ZNF704: variants seen among roughly 807,000 people sequenced by gnomAD.
ZNF704 encodes glucocorticoid induced gene 1.
ZNF704 carries 10 observed loss-of-function variants against 44.7 expected under a neutral mutation model. The ratio of observed to expected loss-of-function variants is 0.22; its 90% CI spans 0.14 to 0.38. ZNF704 has a LOEUF of 0.38. Ranked by LOEUF, ZNF704 falls within the 10% of genes least tolerant of loss-of-function variation. The pLI is 1.00. For missense variants in ZNF704, 390 were observed against 545.5 expected (o/e 0.71, Z 2.84); for synonymous variants, 211 against 207.6 (o/e 1.02, Z -0.14).
chr8:80,712,058 A>G (rs1818995730), intron 2 of ZNF704, among the ~76,000 whole-genome samples: 1 of 152,234 alleles, frequency 6.6e-6, no homozygotes, highest in Non-Finnish European at 1.5e-5. Flanking sequence ...CCCCAATGCA[A>G]CAATGTTCGG....
At chr8:80,812,751 T>C (rs1012064292) in intron 2 of ZNF704, among the ~76,000 whole-genome samples, 1 of 152,228 alleles carries the variant, frequency 6.6e-6, no homozygotes, top group African/African-American at 2.4e-5. Context: ...GTAGCTATTA[T>C]ACCATAAATT....
chr8:80,865,739 G>T (rs891719808), intron 1 of ZNF704, among the ~76,000 whole-genome samples: 1 of 152,120 alleles, frequency 6.6e-6, no homozygotes, highest in Non-Finnish European at 1.5e-5. Context: ...GGTATGGCAC[G>T]GAGACCTCCA....
At chr8:80,765,699 G>T (rs1259973646) in intron 2 of ZNF704, among the ~76,000 whole-genome samples, 1 of 152,114 alleles carries the variant, frequency 6.6e-6, no homozygotes, top group Non-Finnish European at 1.5e-5. Context: ...TTACAGTTTA[G>T]GGATTTTGAC....
chr8:80,660,011 C>T (rs1818074247), intron 6 of ZNF704, among the ~76,000 whole-genome samples: 1 of 152,146 alleles, frequency 6.6e-6, no homozygotes, highest in Non-Finnish European at 1.5e-5. Flanking sequence ...TTGGGGAATA[C>T]ACCCTGCTAT....
chr8:80,823,349 G>T (rs970849536), intron 1 of ZNF704, among the ~76,000 whole-genome samples: 4 of 152,202 alleles, frequency 2.6e-5, no homozygotes, highest in Admixed American at 2.6e-4. Context: ...AGATCAAACT[G>T]CAAGGCGGCA....
At chr8:80,650,366 C>A (rs527241653) in intron 7 of ZNF704, among the ~76,000 whole-genome samples, 1 of 152,210 alleles carries the variant, frequency 6.6e-6, no homozygotes, top group East Asian at 1.9e-4. Context: ...TCAAACTACT[C>A]CGAGCTAAAG....
rs1261260813 is a variant in ZNF704, at chr8:80,635,409, T to C, written c.*5957A>G. 6.6e-6 allele frequency: 1 copy of C among 152,238 alleles called. No individual in the cohort carries two copies. Among genetic ancestry groups the C allele is most frequent in the Non-Finnish European group, 1.5e-5 (1 of 68,036 alleles). 9.4% of individuals were successfully genotyped at this position (152,238 alleles called of 1,614,324 possible). A position where few individuals can be genotyped will look rare whatever the true frequency, so the allele number is the denominator to read the frequency against. ...TGTTTTGTTTTTTTATTTTCCTTTTTTATTTTTTCCCTCCACTATATTTTG... is the reference window on the plus strand; with the variant it reads ...TGTTTTGTTTTTTTATTTTCCTTTTCTATTTTTTCCCTCCACTATATTTTG... On this transcript the variant is annotated 3_prime_UTR_variant, in exon 9 of 9. Transcript: ENST00000327835.
chr8:80,770,032 A>C (rs999673132), intron 2 of ZNF704, among the ~76,000 whole-genome samples: 1 of 152,176 alleles, frequency 6.6e-6, no homozygotes, highest in African/African-American at 2.4e-5. Context: ...TTGTGCAGGG[A>C]AACTCCCCCT....
upstream of ZNF704, among the ~76,000 whole-genome samples, chr8:80,875,832 A>G (rs1303153180): frequency 5.3e-5 from 8 of 152,218 alleles, no homozygotes; most frequent in Non-Finnish European, 1.0e-4. Flanking sequence ...CAACTGTTGA[A>G]CAGGGATGAT....
intron 2 of ZNF704, among the ~76,000 whole-genome samples, chr8:80,813,478 AAAG>A (rs1219032664): frequency 1.1e-4 from 16 of 152,204 alleles, no homozygotes; most frequent in African/African-American, 2.9e-4. Flanking sequence ...ACATCAACCA[AAAG>A]AAGAAGAGTA....
intron 2 of ZNF704, chr8:80,812,335 T>C (rs1433689157): frequency 2.1e-5 from 4 of 190,170 alleles, no homozygotes; most frequent in South Asian, 1.3e-4. Flanking sequence ...TCTGCAGCAG[T>C]GTCATACCAC....
intron 4 of ZNF704, among the ~76,000 whole-genome samples, chr8:80,676,210 CA>C (rs1818363458): frequency 6.6e-6 from 1 of 152,090 alleles, no homozygotes; most frequent in East Asian, 1.9e-4. Context: ...TTTAGGAAAA[CA>C]GAGAGAGTAA....
chr8:80,708,270 A>G (rs534668096), intron 2 of ZNF704, among the ~76,000 whole-genome samples: 1 of 152,340 alleles, frequency 6.6e-6, no homozygotes, highest in East Asian at 1.9e-4. Flanking sequence ...AAGGAACATG[A>G]CTTCCCCAAA....
intron 2 of ZNF704, among the ~76,000 whole-genome samples, chr8:80,693,711 G>A (rs922338396): frequency 2.0e-5 from 3 of 152,268 alleles, no homozygotes; most frequent in Non-Finnish European, 2.9e-5. Flanking sequence ...AGGAATGTGC[G>A]GGAATGTTTA....
chr8:80,778,933 T>A (rs182436862), intron 2 of ZNF704, among the ~76,000 whole-genome samples: 1 of 151,998 alleles, frequency 6.6e-6, no homozygotes, highest in East Asian at 1.9e-4. Context: ...GGTGACAAAA[T>A]AATCTGTACA....
At chr8:80,825,475 T>A (rs539889545) in intron 1 of ZNF704, among the ~76,000 whole-genome samples, 1 of 152,132 alleles carries the variant, frequency 6.6e-6, no homozygotes, top group Non-Finnish European at 1.5e-5. Flanking sequence ...ACAATAATAA[T>A]GGGAGACTTT....
rs547997690 is a variant in ZNF704, at chr8:80,766,744, G to A, written c.221+54630C>T. 3.9e-4 allele frequency among the ~76,000 whole-genome samples: 59 copies of A among 151,904 alleles called. 1 individual carries two copies. The South Asian group carries it at 4.4e-3, about 11-fold the overall frequency. ...TTTTTATTTTTTGTGACTGAGTCTC[G>A]CTCTGTGACCCAGGCTGGAGTGCAG... is the stretch of plus-strand genomic sequence containing the variant. On this transcript the variant is annotated intron_variant, in intron 2 of 8. Transcript: ENST00000327835.
intron 7 of ZNF704, among the ~76,000 whole-genome samples, chr8:80,657,521 C>T (rs933843452): frequency 2.0e-5 from 3 of 151,942 alleles, no homozygotes; most frequent in East Asian, 1.9e-4. Flanking sequence ...GGGAAACCCC[C>T]GTATCTACTA....
At chr8:80,772,451 C>T (rs1807336659) in intron 2 of ZNF704, among the ~76,000 whole-genome samples, 1 of 152,024 alleles carries the variant, frequency 6.6e-6, no homozygotes, top group African/African-American at 2.4e-5. Flanking sequence ...AGGAAACTTA[C>T]AATCATGGCG....
Sources: allele counts gnomAD v4.1 joint callset (sites outside exome capture counted in the v4.1 genomes callset), GRCh38; gene constraint gnomAD v4.1.1; transcripts MANE v1.5; gene names NCBI Gene and HGNC (gene_info 2026-07-23, HGNC 2026-07-21).